The following ADAMTSL1 variants were observed in gnomAD, a reference collection of about 807,000 sequenced individuals.
ADAMTSL1 encodes the protein ADAMTS-like protein 1.
A neutral mutation model predicts 201.8 loss-of-function variants in ADAMTSL1; 126 were observed. The observed-to-expected ratio is 0.62, with a 90% CI of 0.54 to 0.72. The LOEUF (loss-of-function observed/expected upper bound fraction) is 0.72, where lower values mean the gene tolerates loss of function less well. Among genes scored for constraint, ADAMTSL1 ranks in the 30% least tolerant of loss-of-function variants. The probability of loss-of-function intolerance (pLI) is 0.00; values close to 1 mark genes in which losing one functional copy is unlikely to be tolerated. For missense variants in ADAMTSL1, 2,679 were observed against 2,277.8 expected, an observed-to-expected ratio of 1.18 and a Z score of -3.59; for synonymous variants, 1,121 against 903.4, an observed-to-expected ratio of 1.24 and a Z score of -4.32.
chr9:17,983,297 T>C (rs1190047293), intron 1 of ADAMTSL1, among the ~76,000 whole-genome samples: 1 of 151,866 alleles, frequency 6.6e-6, no homozygotes, highest in Non-Finnish European at 1.5e-5. Context: ...TCTCGATCTG[T>C]TGACTTTGTG....
At chr9:18,596,103 T>A (rs1824245967) in intron 4 of ADAMTSL1, among the ~76,000 whole-genome samples, 1 of 152,170 alleles carries the variant, frequency 6.6e-6, no homozygotes, top group African/African-American at 2.4e-5. Context: ...GAATTTGAAA[T>A]TTTGTAGTTT....
chr9:18,056,006 T>G (rs1822164319), intron 1 of ADAMTSL1, among the ~76,000 whole-genome samples: 1 of 152,220 alleles, frequency 6.6e-6, no homozygotes, highest in South Asian at 2.1e-4. Context: ...CCTGAGCTAT[T>G]GACCAGATAA....
intron 2 of ADAMTSL1, among the ~76,000 whole-genome samples, chr9:18,306,845 C>T (rs762769108): frequency 6.6e-6 from 1 of 151,968 alleles, no homozygotes; most frequent in East Asian, 1.9e-4. Context: ...TACAGAAAAC[C>T]TCACAAAGAT....
At chr9:17,961,489 G>C (rs373737406) in intron 1 of ADAMTSL1, among the ~76,000 whole-genome samples, 1 of 152,126 alleles carries the variant, frequency 6.6e-6, no homozygotes, top group East Asian at 1.9e-4. Context: ...GACCTCAGGT[G>C]ATCTGCCTGC....
At chr9:18,050,085 A>C (rs1391888249) in intron 1 of ADAMTSL1, among the ~76,000 whole-genome samples, 1 of 152,214 alleles carries the variant, frequency 6.6e-6, no homozygotes, top group Non-Finnish European at 1.5e-5. Flanking sequence ...TCCAGTGGAA[A>C]ATGTTAATGT....
At chr9:18,866,116 CAA>C (rs76778655) in intron 23 of ADAMTSL1, among the ~76,000 whole-genome samples, 956 of 78,578 alleles carry the variant, frequency 0.012, 50 homozygotes, top group African/African-American at 0.062. Flanking sequence ...CTTCAAAAAC[CAA>C]AAAAAAAAAA....
chr9:18,712,738 A>T (rs1237434465), intron 14 of ADAMTSL1, among the ~76,000 whole-genome samples: 1 of 152,016 alleles, frequency 6.6e-6, no homozygotes, highest in Admixed American at 6.6e-5. Flanking sequence ...AGATTCAGGA[A>T]ATACAGAGAA....
chr9:18,348,399 A>T (rs968525020), intron 2 of ADAMTSL1, among the ~76,000 whole-genome samples: 9 of 152,196 alleles, frequency 5.9e-5, no homozygotes, highest in African/African-American at 2.2e-4. Flanking sequence ...TTAGGTGTTT[A>T]GGATGAATTT....
rs1306119361 is a variant in ADAMTSL1, at chr9:18,736,108, A to C, written c.2006+14443A>C. ...AGACATTTATTGATGTAAAGCCACC[A>C]AAACTAGACTATTTATCAATGTTGC... On this transcript the variant is annotated intron_variant, in intron 15 of 28. Coordinates refer to ENST00000380548, the MANE Select transcript of ADAMTSL1 (RefSeq NM_001040272.6). Among the ~76,000 whole-genome samples, 5 of 152,146 alleles carry C rather than the reference A, an allele frequency of 3.3e-5. No individual in the cohort carries two copies. The East Asian group carries it at 9.6e-4, about 29-fold the overall frequency.
chr9:18,796,929 CTT>C (rs1344313401), intron 20 of ADAMTSL1, among the ~76,000 whole-genome samples: 1 of 152,194 alleles, frequency 6.6e-6, no homozygotes, highest in African/African-American at 2.4e-5. Flanking sequence ...GATTAATTCT[CTT>C]GTTTATATTA....
At chr9:18,306,290 CA>C (rs576772868) in intron 2 of ADAMTSL1, among the ~76,000 whole-genome samples, 54 of 152,236 alleles carry the variant, frequency 3.5e-4, no homozygotes, top group African/African-American at 1.3e-3. Flanking sequence ...TCTTCTCCTC[CA>C]AAGGATCACA....
At chr9:18,328,751 A>C (rs1834922253) in intron 2 of ADAMTSL1, among the ~76,000 whole-genome samples, 1 of 152,190 alleles carries the variant, frequency 6.6e-6, no homozygotes. Flanking sequence ...TATAACTATG[A>C]GTTTTTAAAA....
At chr9:17,995,436 C>T (rs952083431) in intron 1 of ADAMTSL1, among the ~76,000 whole-genome samples, 5 of 152,078 alleles carry the variant, frequency 3.3e-5, no homozygotes, top group African/African-American at 1.2e-4. Flanking sequence ...AGGCAAGTAG[C>T]TTGAAGTAAA....
intron 1 of ADAMTSL1, among the ~76,000 whole-genome samples, chr9:18,095,062 A>G (rs1464075895): frequency 2.0e-5 from 3 of 152,178 alleles, no homozygotes; most frequent in Non-Finnish European, 4.4e-5. Context: ...TTTGGTGCTA[A>G]AAGATAGTTC....
At chr9:18,699,451 G>T (rs1008245047) in intron 13 of ADAMTSL1, among the ~76,000 whole-genome samples, 3 of 150,668 alleles carry the variant, frequency 2.0e-5, no homozygotes, top group African/African-American at 7.3e-5. Context: ...TAGCCTTCCT[G>T]GTCACTGGGA....
upstream of ADAMTSL1, chr9:18,474,152 C>T (rs865940342): frequency 6.1e-6 from 8 of 1,310,802 alleles, no homozygotes; most frequent in Middle Eastern, 5.6e-4. Context: ...GTGTTAGCAC[C>T]AGTACTGGAT....
intron 5 of ADAMTSL1, among the ~76,000 whole-genome samples, chr9:18,628,736 T>G (rs1256578626): frequency 6.6e-6 from 1 of 152,236 alleles, no homozygotes; most frequent in Non-Finnish European, 1.5e-5. Flanking sequence ...CTCTGTTTAC[T>G]TAGGTCTTAT....
At chr9:18,457,403 C>T (rs993942145) in intron 2 of ADAMTSL1, among the ~76,000 whole-genome samples, 8 of 152,170 alleles carry the variant, frequency 5.3e-5, no homozygotes, top group Admixed American at 1.3e-4. Context: ...GTGATCATGG[C>T]TCACTGCAGC....
At chr9:18,567,287 A>C (rs1028758835) in intron 3 of ADAMTSL1, among the ~76,000 whole-genome samples, 4 of 152,038 alleles carry the variant, frequency 2.6e-5, no homozygotes, top group Non-Finnish European at 5.9e-5. Context: ...CAACATGGTA[A>C]AACCCTGTCT....
Sources: allele counts gnomAD v4.1 joint callset (sites outside exome capture counted in the v4.1 genomes callset), GRCh38; gene constraint gnomAD v4.1.1; transcripts MANE v1.5; gene names NCBI Gene and HGNC (gene_info 2026-07-23, HGNC 2026-07-21).